Variants in PDGFRA observed in about 807,000 individuals in gnomAD.
The protein encoded by PDGFRA is platelet derived growth factor receptor alpha, also known as platelet-derived growth factor receptor alpha.
In PDGFRA, 25 loss-of-function variants were observed where a neutral mutation model predicts 121.5. The ratio of observed to expected loss-of-function variants is 0.21; its 90% CI spans 0.15 to 0.29. The LOEUF is 0.29. PDGFRA is among the 10% of genes least tolerant of loss of function. The pLI, the probability that PDGFRA is intolerant of heterozygous loss-of-function variation, is 1.00. For missense variants in PDGFRA, 1,008 were observed against 1,345.1 expected (o/e 0.75, Z 3.92); for synonymous variants, 463 against 494.8 (o/e 0.94, Z 0.85).
rs375104103 is a variant in PDGFRA at position 54,290,362 on chromosome 4, T to G, written c.2930T>G (p.Val977Gly). 6.2e-7 allele frequency: 1 copy of G among 1,611,838 alleles called. No individual in the cohort carries two copies. Among genetic ancestry groups the G allele is most frequent in the African/African-American group, 1.3e-5 (1 of 74,896 alleles). ...LDFLKSDHPA[V>G]ARMRVDSDNA... The stretch of plus-strand genomic sequence containing the variant: ...TTCCTGAAGAGTGACCATCCTGCTG[T>G]GGCACGCATGCGTGTGGACTCAGAC... Residue 977 changes from valine to glycine, a missense_variant, in exon 22 of 23, where the codon GTG becomes GGG. By Grantham distance (109) the Val-to-Gly change is moderately radical (BLOSUM62 -3). Coordinates refer to ENST00000257290, the MANE Select transcript of PDGFRA (RefSeq NM_006206.6).
At chr4:54,235,735 A>G (rs1720970873) in intron 1 of PDGFRA, among the ~76,000 whole-genome samples, 3 of 152,168 alleles carry the variant, frequency 2.0e-5, no homozygotes, top group South Asian at 2.1e-4. Context: ...TTTCTTAGTT[A>G]AGGAGAAGTT....
chr4:54,272,518 G>A lies in PDGFRA; in HGVS notation c.1362G>A (p.Lys454=), dbSNP rs768356214. The change falls in exon 9 of 23, where the codon AAG becomes AAA. Residue 454 remains lysine, a splice_region_variant and synonymous_variant. Coordinates refer to ENST00000257290, the MANE Select transcript of PDGFRA (RefSeq NM_006206.6). ...AGTGGATGATATGCAAAGATATTAA[G>A]AAGTATGGAAAACAGATGTGTCTTC... ...DIEWMICKDI[K]KCNNETSWTI... is the part of the protein sequence containing the mutation. 17 of 1,613,696 alleles carry A rather than the reference G, an allele frequency of 1.1e-5. No individual in the cohort carries two copies. In the South Asian group the frequency reaches 1.9e-4, roughly 18 times the overall value.
intron 12 of PDGFRA, among the ~76,000 whole-genome samples, chr4:54,276,545 G>A (rs146668889): frequency 6.6e-6 from 1 of 152,276 alleles, no homozygotes; most frequent in East Asian, 1.9e-4. Flanking sequence ...CCCAACAAGG[G>A]ATGAGGAGCT....
intron 22 of PDGFRA, among the ~76,000 whole-genome samples, chr4:54,292,758 T>G (rs938004682): frequency 5.9e-5 from 9 of 152,098 alleles, no homozygotes; most frequent in African/African-American, 2.2e-4. Context: ...GTCACTATCC[T>G]TAGCAAACTA....
intron 18 of PDGFRA, among the ~76,000 whole-genome samples, chr4:54,286,526 T>G (rs754020766): frequency 6.6e-6 from 1 of 151,864 alleles, no homozygotes; most frequent in African/African-American, 2.4e-5. Context: ...TCAGCTAATT[T>G]TTGTATTTTT....
At chr4:54,231,055 G>A (rs534996599) in intron 1 of PDGFRA, among the ~76,000 whole-genome samples, 1 of 152,230 alleles carries the variant, frequency 6.6e-6, no homozygotes, top group Non-Finnish European at 1.5e-5. Flanking sequence ...CTCGCGTCTT[G>A]GTCGGGAAGG....
chr4:54,295,067 A>G (rs375016370), intron 22 of PDGFRA, 58 bp from the exon 23 acceptor site: 1 of 1,543,676 alleles, frequency 6.5e-7, no homozygotes, highest in Non-Finnish European at 9.0e-7. Flanking sequence ...GGGGGGCCAC[A>G]GTCTAGGTCT....
At chr4:54,268,310 G>A (rs1376794187) in intron 7 of PDGFRA, among the ~76,000 whole-genome samples, 1 of 152,158 alleles carries the variant, frequency 6.6e-6, no homozygotes, top group African/African-American at 2.4e-5. Context: ...TGGTGGTGGA[G>A]TTTTGAATGA....
At chr4:54,247,592 A>G (rs914538499) in intron 1 of PDGFRA, among the ~76,000 whole-genome samples, 2 of 152,036 alleles carry the variant, frequency 1.3e-5, no homozygotes, top group African/African-American at 2.4e-5. Flanking sequence ...AGAGCTATCT[A>G]TGACAAACCC....
chr4:54,260,397 G>GTTTT (rs68009440), intron 2 of PDGFRA, among the ~76,000 whole-genome samples: 6 of 64,602 alleles, frequency 9.3e-5, no homozygotes, highest in East Asian at 4.1e-4. Context: ...TTCCATGTGG[G>GTTTT]TTTTTTTTTT....
At chr4:54,264,314 G>T in intron 4 of PDGFRA, 1 of 335,782 alleles carries the variant, frequency 3.0e-6, no homozygotes, top group Non-Finnish European at 5.4e-6. Context: ...AAGTAGTTTA[G>T]ACTTCAACCC....
chr4:54,277,121 G>A (rs985353765), intron 12 of PDGFRA: 20 of 492,186 alleles, frequency 4.1e-5, no homozygotes, highest in Middle Eastern at 5.7e-4. Flanking sequence ...TAGACAGCGC[G>A]CTCACACCAG....
rs757926462 is a variant in PDGFRA, at chr4:54,296,702, G to A, written c.*1430G>A. 2 of 232,520 alleles carry A rather than the reference G, an allele frequency of 8.6e-6. No homozygotes were observed. The highest frequency in any genetic ancestry group is 6.1e-5 in the East Asian group (1 of 16,508). 14.4% of individuals were successfully genotyped at this position (232,520 alleles called of 1,614,324 possible). A position where few individuals can be genotyped will look rare whatever the true frequency, so the allele number is the denominator to read the frequency against. On this transcript the variant is annotated 3_prime_UTR_variant, in exon 23 of 23. Transcript: ENST00000257290. ...TCTAAACTCCCTGGCTGTTCTGATCGGCCAGTTTTCGGAAACACTGACTTA... is the reference window on the plus strand; with the variant it reads ...TCTAAACTCCCTGGCTGTTCTGATCAGCCAGTTTTCGGAAACACTGACTTA...
chr4:54,247,814 T>C (rs1721782923), intron 1 of PDGFRA, among the ~76,000 whole-genome samples: 6 of 152,178 alleles, frequency 3.9e-5, no homozygotes, highest in Non-Finnish European at 1.5e-5. Flanking sequence ...ATTGTATATC[T>C]AGAAAACCCC....
Position 54,270,633 on chromosome 4 carries a change from G to C in PDGFRA, c.1122G>C (p.Arg374Ser), listed in dbSNP as rs61735622. The change falls in exon 8 of 23, where the codon AGG becomes AGC. Residue 374 changes from arginine to serine, a missense_variant and splice_region_variant. Physicochemically the swap from Arg to Ser is moderately radical, Grantham distance 110 (BLOSUM62 -1). Coordinates refer to ENST00000257290, the MANE Select transcript of PDGFRA (RefSeq NM_006206.6). The part of the protein sequence containing the change: ...TTDVEKIQEI[R>S]YRSKLKLIRA... ...TGAAACAAAATCCTTTTTTTAAAAG[G>C]TATCGAAGCAAATTAAAGCTGATCC... 486 of 1,564,740 alleles carry C rather than the reference G, an allele frequency of 3.1e-4. 2 individuals are homozygous for C. In the African/African-American group the frequency reaches 6.0e-3, roughly 19 times the overall value.
In PDGFRA at chr4:54,274,623, C is replaced by G. The variant is rs770950644; in HGVS notation, c.1651C>G (p.Gln551Glu). 3.1e-6 allele frequency: 5 copies of G among 1,607,772 alleles called. No individual in the cohort carries two copies. Among genetic ancestry groups the G allele is most frequent in the Non-Finnish European group, 4.3e-6 (5 of 1,174,160 alleles). Reference protein sequence around the residue: ...SLIVLVVIWKQKPRYEIRWRV... With the variant: ...SLIVLVVIWKEKPRYEIRWRV... ...TATTGTCCTGGTTGTCATTTGGAAA[C>G]AGGTAGATATTTTCTCATAAAACTA... is the stretch of plus-strand genomic sequence containing the variant. The change falls in exon 11 of 23, where the codon CAG (glutamine) becomes GAG (glutamate). Residue 551 changes from glutamine to glutamate, a missense_variant and splice_region_variant. Transcript: ENST00000257290.
At position 54,285,850 on chromosome 4, in the gene PDGFRA, CGTGATCTGGCT is replaced by C; in HGVS notation, c.2451_2461del (p.Asp818SerfsTer15). ...TTCCTTTTCCATGCAGTGTGTCCAC[CGTGATCTGGCT>C]GCTCGCAACGTCCTCCTGGCACAAG... On this transcript the variant is annotated frameshift_variant, in exon 18 of 23. Coordinates refer to ENST00000257290, the MANE Select transcript of PDGFRA (RefSeq NM_006206.6). LOFTEE classifies it high-confidence loss of function. 6.2e-7 allele frequency: 1 copy of C among 1,614,074 alleles called. No individual in the cohort carries two copies. Among genetic ancestry groups the C allele is most frequent in the Non-Finnish European group, 8.5e-7 (1 of 1,179,964 alleles).
At position 54,284,945 on chromosome 4, in the gene PDGFRA, G is replaced by A. The variant is rs1336850347; in HGVS notation, c.2324-426G>A. ...GTCACCCAGGCTGCAGTGCAGTGGT[G>A]TGATCTTGGCTCACTGCAACTCATT... On this transcript the variant is annotated intron_variant, in intron 16 of 22. Coordinates refer to ENST00000257290, the MANE Select transcript of PDGFRA (RefSeq NM_006206.6). 2.4e-5 allele frequency among the ~76,000 whole-genome samples: 3 copies of A among 126,028 alleles called. No homozygotes were observed. The East Asian group carries it at 7.8e-4, about 33-fold the overall frequency. 82.7% of individuals were successfully genotyped at this position (126,028 alleles called of 152,430 possible). A position where few individuals can be genotyped will look rare whatever the true frequency, so the allele number is the denominator to read the frequency against.
Position 54,263,947 on chromosome 4 carries a change from C to T in PDGFRA, c.628+20C>T, listed in dbSNP as rs761390842. On this transcript the variant is annotated intron_variant, in intron 4 of 22. Coordinates refer to ENST00000257290, the MANE Select transcript of PDGFRA (RefSeq NM_006206.6). ...TAAAAGGTACTTGTATCATCTCCTTCCTTCTTTAAATAAGAGTAACAGGCA... is the reference window on the plus strand; with the variant it reads ...TAAAAGGTACTTGTATCATCTCCTTTCTTCTTTAAATAAGAGTAACAGGCA... 1.2e-6 allele frequency: 2 copies of T among 1,610,572 alleles called. No homozygotes were observed. Among genetic ancestry groups the T allele is most frequent in the Non-Finnish European group, 1.7e-6 (2 of 1,178,396 alleles).
Sources: gnomAD v4.1 joint callset for allele counts (sites outside exome capture counted in the v4.1 genomes callset) on GRCh38, gnomAD v4.1.1 for gene constraint, MANE v1.5 for transcripts, NCBI Gene and HGNC (gene_info 2026-07-23, HGNC 2026-07-21) for gene names.